Variants in AKNAD1 observed in about 807,000 individuals in gnomAD.
AKNAD1 encodes AKNA domain containing 1, also known as protein AKNAD1.
AKNAD1 carries 67 observed loss-of-function variants against 90.8 expected under a neutral mutation model. The ratio of observed to expected loss-of-function variants is 0.74; its 90% CI spans 0.61 to 0.90. The LOEUF is 0.90. AKNAD1 is among the 40% of genes least tolerant of loss of function. The pLI is 0.00. For synonymous variants in AKNAD1, 327 were observed against 341.4 expected, an observed-to-expected ratio of 0.96 and a Z score of 0.46; for missense variants, 957 against 975.4, an observed-to-expected ratio of 0.98 and a Z score of 0.25.
At chr1:108,850,267 A>C (rs1276212233) in intron 2 of AKNAD1, among the ~76,000 whole-genome samples, 1 of 152,162 alleles carries the variant, frequency 6.6e-6, no homozygotes, top group Admixed American at 6.5e-5. Context: ...TAGACATCTC[A>C]ACTATATGAC....
rs763822915 is a variant in AKNAD1 at position 108,851,996 on chromosome 1, A to G, written c.669T>C (p.Asp223=). The G allele has an allele frequency of 1.2e-6, 2 of 1,614,034 alleles. No homozygotes were observed. Among genetic ancestry groups the G allele is most frequent in the South Asian group, 1.1e-5 (1 of 91,078 alleles). The part of the protein sequence containing the change: ...NVLTKTKGPG[D]KQKSYQGQSP... ...ACTGCCCTTGATAACTTTTTTGTTT[A>G]TCACCTGGACCCTTGGTTTTAGTTA... Residue 223 remains aspartate, a synonymous_variant, in exon 2 of 16, where the codon GAT becomes GAC. Transcript: ENST00000370001.
chr1:108,836,012 C>T (rs1664376792), intron 7 of AKNAD1, among the ~76,000 whole-genome samples: 1 of 152,132 alleles, frequency 6.6e-6, no homozygotes, highest in African/African-American at 2.4e-5. Context: ...ATCCCCAATA[C>T]CTAGAAAAGT....
intron 1 of AKNAD1, 121 bp from the exon 2 acceptor site, chr1:108,852,888 G>T (rs1244711812): frequency 1.9e-5 from 7 of 376,046 alleles, no homozygotes; most frequent in South Asian, 2.8e-4. Context: ...AAGGCAGGAA[G>T]CTCAACCACA....
At chr1:108,834,864 G>A (rs1181195533) in intron 8 of AKNAD1, 65 bp downstream of exon 8, 1 of 1,492,816 alleles carries the variant, frequency 6.7e-7, no homozygotes, top group East Asian at 2.5e-5. Context: ...CTTCCTGGAG[G>A]CTGCATGAGG....
chr1:108,849,517 A>C lies in AKNAD1; in HGVS notation c.1033+20T>G. 1 of 1,474,128 alleles carries C rather than the reference A, an allele frequency of 6.8e-7. No individual in the cohort carries two copies. Among genetic ancestry groups the C allele is most frequent in the Non-Finnish European group, 9.5e-7 (1 of 1,053,160 alleles). The allele number at this position is 1,474,128 out of a possible 1,614,324, so 91.3% of individuals were successfully genotyped here. A position where few individuals can be genotyped will look rare whatever the true frequency, so the allele number is the denominator to read the frequency against. On this transcript the variant is annotated intron_variant, in intron 3 of 15. Coordinates refer to ENST00000370001, the MANE Select transcript of AKNAD1 (RefSeq NM_152763.5). ...CAAAACATATATATATATCTCAAAG[A>C]AGTTTTAAAACATTAGTACCTGTGA...
At chr1:108,839,029 T>C (rs1664458632) in intron 6 of AKNAD1, among the ~76,000 whole-genome samples, 1 of 152,168 alleles carries the variant, frequency 6.6e-6, no homozygotes, top group Admixed American at 6.5e-5. Flanking sequence ...TTATAACAGT[T>C]TGAAAGCATA....
At chr1:108,855,143 G>T (rs1182790788) in intron 1 of AKNAD1, among the ~76,000 whole-genome samples, 1 of 152,224 alleles carries the variant, frequency 6.6e-6, no homozygotes, top group Non-Finnish European at 1.5e-5. Flanking sequence ...TCCAAGCAAG[G>T]TGGCTCATGC....
chr1:108,837,444 A>T (rs1664419443), intron 7 of AKNAD1, 106 bp downstream of exon 7: 12 of 1,136,350 alleles, frequency 1.1e-5, no homozygotes, highest in Admixed American at 2.6e-5. Context: ...TTAAATTTTC[A>T]TGAGATATTA....
At position 108,852,733 on chromosome 1, in the gene AKNAD1, C is replaced by G; in HGVS notation, c.-69G>C. The stretch of plus-strand genomic sequence containing the variant: ...GCTGCTGTCAGTTGTAACAATAGCT[C>G]TGGTTCTCACTGACTGTCTTCACTG... On this transcript the variant is annotated 5_prime_UTR_variant, in exon 2 of 16. Transcript: ENST00000370001. 1 of 1,415,518 alleles carries G rather than the reference C, an allele frequency of 7.1e-7. No individual in the cohort carries two copies. The highest frequency in any genetic ancestry group is 9.5e-7 in the Non-Finnish European group (1 of 1,053,768). 87.7% of individuals were successfully genotyped at this position (1,415,518 alleles called of 1,614,324 possible).
chr1:108,851,025 G>T (rs1277206), intron 2 of AKNAD1, among the ~76,000 whole-genome samples: 46,804 of 152,034 alleles, frequency 0.31, 7,815 homozygotes, highest in South Asian at 0.41. Context: ...GACTTAGCAT[G>T]AATAACTAAG....
rs776063336 is a variant in AKNAD1 at position 108,848,994 on chromosome 1, G to T, written c.1100C>A (p.Ser367Tyr). Residue 367 changes from serine to tyrosine, a missense_variant, in exon 4 of 16, where the codon TCT becomes TAT. Coordinates refer to ENST00000370001, the MANE Select transcript of AKNAD1 (RefSeq NM_152763.5). Reference protein sequence around the residue: ...PTSQKGTSSSSSYIFQKISQG... With the variant: ...PTSQKGTSSSYSYIFQKISQG... ...GGATATCTTTTGAAATATGTAAGAA[G>T]AACTTGAGGAAGTGCCTTTCTGAGA... 3.1e-6 allele frequency: 5 copies of T among 1,611,524 alleles called. No individual in the cohort carries two copies. Among genetic ancestry groups the T allele is most frequent in the Non-Finnish European group, 4.2e-6 (5 of 1,179,374 alleles).
intron 6 of AKNAD1, among the ~76,000 whole-genome samples, chr1:108,842,623 G>A (rs906015456): frequency 1.3e-5 from 2 of 152,134 alleles, no homozygotes; most frequent in Non-Finnish European, 2.9e-5. Flanking sequence ...CTCCTGCCCA[G>A]TGTGCCTTGG....
At position 108,834,512 on chromosome 1, in the gene AKNAD1, A is replaced by G; in HGVS notation, c.1681T>C (p.Tyr561His). The change falls in exon 9 of 16, where the codon TAT becomes CAT. Residue 561 changes from tyrosine to histidine, a missense_variant. Coordinates refer to ENST00000370001, the MANE Select transcript of AKNAD1 (RefSeq NM_152763.5). ...TTGTTCTGGGCAGCTGCATCTCCATAATGACCGTTTAGGTAACTAATTTAA... is the reference window on the plus strand; with the variant it reads ...TTGTTCTGGGCAGCTGCATCTCCATGATGACCGTTTAGGTAACTAATTTAA... ...LAPQTYLNGH[Y>H]GDAAAQNKPD... 8 of 1,601,394 alleles carry G rather than the reference A, an allele frequency of 5.0e-6. No individual in the cohort carries two copies. The highest frequency in any genetic ancestry group is 1.7e-5 in the Admixed American group (1 of 58,040).
chr1:108,849,308 C>T (rs1038276608), intron 3 of AKNAD1, among the ~76,000 whole-genome samples: 2 of 151,466 alleles, frequency 1.3e-5, no homozygotes, highest in Non-Finnish European at 2.9e-5. Flanking sequence ...AAGTGAGACC[C>T]CACATCTACA....
intron 14 of AKNAD1, among the ~76,000 whole-genome samples, chr1:108,818,338 C>G (rs1663693854): frequency 6.6e-6 from 1 of 152,170 alleles, no homozygotes; most frequent in South Asian, 2.1e-4. Flanking sequence ...TCAATTGGTT[C>G]TGCAAGTTAT....
chr1:108,852,363 T>C lies in AKNAD1; in HGVS notation c.302A>G (p.Glu101Gly), dbSNP rs186366358. ...CTAALHIPAN[E>G]GDASKSSISD... The stretch of plus-strand genomic sequence containing the variant: ...AATGCTTGACTTAGAAGCGTCTCCT[T>C]CATTTGCTGGAATATGAAGAGCTGC... The change falls in exon 2 of 16, where the codon GAA becomes GGA. Residue 101 changes from glutamate to glycine, a missense_variant. By Grantham distance (98) the Glu-to-Gly change is moderately conservative. Coordinates refer to ENST00000370001, the MANE Select transcript of AKNAD1 (RefSeq NM_152763.5). 7.2e-5 allele frequency: 117 copies of C among 1,614,068 alleles called. No individual in the cohort carries two copies. The East Asian group carries it at 2.3e-3, about 32-fold the overall frequency.
At chr1:108,830,498 A>G (rs1664155846) in intron 10 of AKNAD1, 61 bp downstream of exon 10, 3 of 1,517,578 alleles carry the variant, frequency 2.0e-6, no homozygotes, top group Non-Finnish European at 2.7e-6. Flanking sequence ...CTCTCACTGG[A>G]GTTACTATGC....
intron 11 of AKNAD1, among the ~76,000 whole-genome samples, chr1:108,824,803 C>A (rs1035055590): frequency 8.6e-5 from 13 of 151,628 alleles, no homozygotes; most frequent in South Asian, 2.1e-4. Context: ...TTCAGCCTCC[C>A]AAAGTGCTGG....
At chr1:108,837,475 C>A in intron 7 of AKNAD1, 75 bp downstream of exon 7, 1 of 1,326,824 alleles carries the variant, frequency 7.5e-7, no homozygotes, top group South Asian at 1.6e-5. Flanking sequence ...TCAGTGAATC[C>A]ATGAATTAGG....
Sources: gnomAD v4.1 joint callset for allele counts (sites outside exome capture counted in the v4.1 genomes callset) on GRCh38, gnomAD v4.1.1 for gene constraint, MANE v1.5 for transcripts, NCBI Gene and HGNC (gene_info 2026-07-23, HGNC 2026-07-21) for gene names.